Variants in PDGFD observed in about 807,000 individuals in gnomAD.
PDGFD encodes the protein platelet derived growth factor D, also known as platelet-derived growth factor D.
In PDGFD, 30 loss-of-function variants were observed where a neutral mutation model predicts 44.7. The ratio of observed to expected loss-of-function variants is 0.67; its 90% confidence interval spans 0.50 to 0.91. The LOEUF (loss-of-function observed/expected upper bound fraction) is 0.91, where lower values mean the gene tolerates loss of function less well. PDGFD is among the 40% of genes least tolerant of loss of function. The probability of loss-of-function intolerance (pLI) is 0.00; values close to 1 mark genes in which losing one functional copy is unlikely to be tolerated. For missense variants in PDGFD, 445 were observed against 457.8 expected, an observed-to-expected ratio of 0.97 and a Z score of 0.25; for synonymous variants, 173 against 168.4, an observed-to-expected ratio of 1.03 and a Z score of -0.21.
chr11:104,006,684 G>C (rs1440551454), intron 1 of PDGFD, among the ~76,000 whole-genome samples: 1 of 152,194 alleles, frequency 6.6e-6, no homozygotes. Context: ...GAACAGCGTG[G>C]CAGAGAGAAG....
In PDGFD at chr11:103,995,349, T is replaced by C. The variant is rs1859519346; in HGVS notation, c.510+716A>G. On this transcript the variant is annotated intron_variant, in intron 3 of 6. Transcript: ENST00000393158. ...AATGTATGAATGAGTAAAGATTGTG[T>C]GTGACCCATGACTGTGTGTGACCCA... is the stretch of plus-strand genomic sequence containing the variant. 2.0e-5 allele frequency among the ~76,000 whole-genome samples: 3 copies of C among 152,202 alleles called. No individual in the cohort carries two copies. In the South Asian group the frequency reaches 6.2e-4, roughly 31 times the overall value.
chr11:104,040,544 C>T (rs750263983), intron 1 of PDGFD, among the ~76,000 whole-genome samples: 4 of 151,976 alleles, frequency 2.6e-5, no homozygotes, highest in Admixed American at 2.6e-4. Flanking sequence ...AAGGCTACAT[C>T]TTTTGCTTGT....
In PDGFD at chr11:104,107,123, T is replaced by G. The variant is rs950471888; in HGVS notation, c.124+56681A>C. 2.4e-4 allele frequency among the ~76,000 whole-genome samples: 37 copies of G among 152,158 alleles called. 1 individual carries two copies. The highest frequency in any genetic ancestry group is 7.7e-4 in the African/African-American group (32 of 41,440). On this transcript the variant is annotated intron_variant, in intron 1 of 6. Coordinates refer to ENST00000393158, the MANE Select transcript of PDGFD (RefSeq NM_025208.5). ...TTAGAATATAAAATGTGACAAAGGT[T>G]AAAAAACATTGTGATGTAATTAAAG...
chr11:104,088,888 C>T (rs559332599), intron 1 of PDGFD, among the ~76,000 whole-genome samples: 3 of 151,376 alleles, frequency 2.0e-5, no homozygotes, highest in African/African-American at 7.3e-5. Flanking sequence ...TGTCCATTAG[C>T]TCCTCCACAT....
chr11:103,990,729 T>A (rs958699673), intron 3 of PDGFD, among the ~76,000 whole-genome samples: 1 of 152,182 alleles, frequency 6.6e-6, no homozygotes, highest in Non-Finnish European at 1.5e-5. Context: ...CTGTCCTCAC[T>A]CTGACAGTCC....
intron 1 of PDGFD, among the ~76,000 whole-genome samples, chr11:104,025,416 AC>A (rs1315970745): frequency 6.6e-6 from 1 of 152,226 alleles, no homozygotes; most frequent in Non-Finnish European, 1.5e-5. Flanking sequence ...AAAAACAAAC[AC>A]AACACAATGG....
chr11:103,973,984 T>C (rs748507970), intron 3 of PDGFD, among the ~76,000 whole-genome samples: 2 of 152,072 alleles, frequency 1.3e-5, no homozygotes, highest in Non-Finnish European at 2.9e-5. Context: ...CTTAGAAATA[T>C]CTCTTAGGCT....
chr11:103,961,321 C>A (rs1344711878), intron 3 of PDGFD, among the ~76,000 whole-genome samples: 1 of 152,020 alleles, frequency 6.6e-6, no homozygotes, highest in African/African-American at 2.4e-5. Flanking sequence ...AATGAATAAT[C>A]CAATCTATAG....
chr11:104,094,607 A>G (rs1338324908), intron 1 of PDGFD, among the ~76,000 whole-genome samples: 5 of 152,100 alleles, frequency 3.3e-5, no homozygotes, highest in African/African-American at 7.2e-5. Context: ...ATCTTGAAGT[A>G]CCCTTCATCT....
intron 1 of PDGFD, among the ~76,000 whole-genome samples, chr11:104,083,915 T>C (rs925725551): frequency 5.3e-5 from 8 of 152,186 alleles, no homozygotes; most frequent in African/African-American, 1.7e-4. Context: ...CAAAAGTATA[T>C]TGTCAATACT....
intron 3 of PDGFD, among the ~76,000 whole-genome samples, chr11:103,973,239 C>T (rs1176069132): frequency 6.7e-6 from 1 of 150,262 alleles, no homozygotes; most frequent in Non-Finnish European, 1.5e-5. Flanking sequence ...CCCGGGTTCA[C>T]AACATTTTCC....
chr11:104,144,628 AAGCC>A (rs1862138212), intron 1 of PDGFD, among the ~76,000 whole-genome samples: 1 of 152,162 alleles, frequency 6.6e-6, no homozygotes, highest in Non-Finnish European at 1.5e-5. Flanking sequence ...AATGTTGATG[AAGCC>A]ATTTTAACTC....
rs1857995126 is a variant in PDGFD at position 103,909,550 on chromosome 11, C to A, written c.*144G>T. On this transcript the variant is annotated 3_prime_UTR_variant, in exon 7 of 7. Transcript: ENST00000393158. The stretch of plus-strand genomic sequence containing the variant: ...TCTACTTGCCATGGCATTAACAAAG[C>A]AAGGCTGAGACTCAGCAACCACTTG... 2.9e-6 allele frequency: 3 copies of A among 1,017,572 alleles called. No homozygotes were observed. The highest frequency in any genetic ancestry group is 4.4e-6 in the Non-Finnish European group (3 of 681,202). 63.0% of individuals were successfully genotyped at this position (1,017,572 alleles called of 1,614,324 possible). A position where few individuals can be genotyped will look rare whatever the true frequency, so the allele number is the denominator to read the frequency against.
chr11:104,001,949 C>T (rs772772547), intron 1 of PDGFD, among the ~76,000 whole-genome samples: 14 of 152,250 alleles, frequency 9.2e-5, no homozygotes, highest in Middle Eastern at 6.8e-3. Flanking sequence ...TTTTTTTGGA[C>T]TCATTTAATG....
intron 1 of PDGFD, among the ~76,000 whole-genome samples, chr11:104,040,876 C>A (rs780637307): frequency 2.0e-5 from 3 of 151,858 alleles, no homozygotes; most frequent in Non-Finnish European, 4.4e-5. Context: ...TTTATCATTT[C>A]TTAGTCTTAC....
intron 1 of PDGFD, among the ~76,000 whole-genome samples, chr11:104,064,438 G>A (rs2134416331): frequency 6.6e-6 from 1 of 152,300 alleles, no homozygotes; most frequent in South Asian, 2.1e-4. Context: ...GCAGGCAGAT[G>A]CATTCATAAT....
At chr11:104,160,944 T>C (rs527549643) in intron 1 of PDGFD, among the ~76,000 whole-genome samples, 2 of 152,280 alleles carry the variant, frequency 1.3e-5, no homozygotes, top group African/African-American at 2.4e-5. Context: ...TCTGGAGCTA[T>C]TAGGCATAGT....
chr11:104,052,504 G>A (rs141184956), intron 1 of PDGFD, among the ~76,000 whole-genome samples: 22 of 152,214 alleles, frequency 1.4e-4, no homozygotes, highest in African/African-American at 4.3e-4. Context: ...AATTATTGAT[G>A]AGCTGGAAGG....
At chr11:103,941,156 T>C (rs1352112108) in intron 5 of PDGFD, among the ~76,000 whole-genome samples, 1 of 151,992 alleles carries the variant, frequency 6.6e-6, no homozygotes, top group Non-Finnish European at 1.5e-5. Flanking sequence ...ATAAATAATA[T>C]CAATATATAT....
Sources: gnomAD v4.1 joint callset for allele counts (sites outside exome capture counted in the v4.1 genomes callset) on GRCh38, gnomAD v4.1.1 for gene constraint, MANE v1.5 for transcripts, NCBI Gene and HGNC (gene_info 2026-07-23, HGNC 2026-07-21) for gene names.